ALPK1: variants seen among roughly 807,000 people sequenced by gnomAD.
ALPK1 encodes the protein alpha-protein kinase 1.
A neutral mutation model predicts 120.6 loss-of-function variants in ALPK1; 110 were observed. That is an observed-to-expected ratio of 0.91 (90% confidence interval 0.78 to 1.07). The LOEUF (loss-of-function observed/expected upper bound fraction) is 1.07. Ranked by LOEUF, ALPK1 falls within the 50% of genes least tolerant of loss-of-function variation. The pLI is 0.00. For synonymous variants in ALPK1, 582 were observed against 560.3 expected (o/e 1.04, Z -0.55); for missense variants, 1,498 against 1,483.9 (o/e 1.01, Z -0.16).
chr4:112,342,213 G>A (rs1029345785), intron 2 of ALPK1, among the ~76,000 whole-genome samples: 1 of 152,160 alleles, frequency 6.6e-6, no homozygotes, highest in Non-Finnish European at 1.5e-5. Context: ...TGTACACAAT[G>A]GTTGTGTGGA....
At chr4:112,425,620 G>T (rs1734202679) in intron 6 of ALPK1, 45 bp from the exon 7 acceptor site, 1 of 1,507,382 alleles carries the variant, frequency 6.6e-7, no homozygotes, top group Non-Finnish European at 9.2e-7. Flanking sequence ...AATTTGCAAG[G>T]CTATATCTCT....
chr4:112,301,173 G>A (rs896830741), intron 1 of ALPK1, among the ~76,000 whole-genome samples: 3 of 152,084 alleles, frequency 2.0e-5, no homozygotes, highest in East Asian at 1.9e-4. Context: ...TATCATTACC[G>A]AGAAATTTTC....
intron 2 of ALPK1, chr4:112,358,008 G>C (rs1730722443): frequency 1.6e-6 from 1 of 643,704 alleles, no homozygotes; most frequent in Admixed American, 2.1e-5. Context: ...ACTAGCGAGG[G>C]GCTGGACTTC....
At position 112,417,181 on chromosome 4, in the gene ALPK1, A is replaced by T. The variant is rs561239067; in HGVS notation, c.475+5156A>T. ...GATTGGCTAAAAATAAATTATTCTC[A>T]AGACAGCTCTCTCATTCACACACAC... is the stretch of plus-strand genomic sequence containing the variant. On this transcript the variant is annotated intron_variant, in intron 5 of 15. Transcript: ENST00000650871. Among the ~76,000 whole-genome samples, 266 of 152,324 alleles carry T rather than the reference A, an allele frequency of 1.7e-3. 2 individuals carry two copies. Among genetic ancestry groups the T allele is most frequent in the African/African-American group, 6.2e-3 (257 of 41,576 alleles).
chr4:112,341,938 C>T lies in ALPK1; in HGVS notation c.-101+26086C>T, dbSNP rs767531752. Among the ~76,000 whole-genome samples, 35 of 152,282 alleles carry T rather than the reference C, an allele frequency of 2.3e-4. No individual in the cohort carries two copies. In the South Asian group the frequency reaches 2.7e-3, roughly 12 times the overall value. ...TGAGGCCACAGGTTTCTCCAGCCAG[C>T]GCAGGAGTTCTGTGGAGAAAGAGCA... is the stretch of plus-strand genomic sequence containing the variant. On this transcript the variant is annotated intron_variant, in intron 2 of 15. Coordinates refer to ENST00000650871, the MANE Select transcript of ALPK1 (RefSeq NM_025144.4).
chr4:112,341,347 C>G (rs182473770), intron 2 of ALPK1, among the ~76,000 whole-genome samples: 1 of 152,336 alleles, frequency 6.6e-6, no homozygotes, highest in Non-Finnish European at 1.5e-5. Context: ...GCCTTCCTGA[C>G]AATTTCCCCA....
At chr4:112,309,017 A>G (rs1432916956) in intron 1 of ALPK1, among the ~76,000 whole-genome samples, 3 of 152,208 alleles carry the variant, frequency 2.0e-5, no homozygotes, top group African/African-American at 7.2e-5. Flanking sequence ...GGACCACTCC[A>G]GACCCTGTTT....
At chr4:112,358,279 C>A in intron 2 of ALPK1, 1 of 594,800 alleles carries the variant, frequency 1.7e-6, no homozygotes. Flanking sequence ...GGGTGCGTCC[C>A]TACGTCAGGG....
rs571254578 is a variant in ALPK1, at chr4:112,404,109, A to G, written c.277-7718A>G. Among the ~76,000 whole-genome samples the G allele has an allele frequency of 8.5e-5, 13 of 152,300 alleles. No individual in the cohort carries two copies. In the South Asian group the frequency reaches 2.3e-3, roughly 27 times the overall value. ...CCTTTCTCAGTTTCCAGTAACATCA[A>G]TCCTCGGAGTTGGTGAAGAGAAGAA... On this transcript the variant is annotated intron_variant, in intron 4 of 15. Coordinates refer to ENST00000650871, the MANE Select transcript of ALPK1 (RefSeq NM_025144.4).
chr4:112,362,729 C>G (rs559195803), intron 2 of ALPK1, among the ~76,000 whole-genome samples: 1 of 152,258 alleles, frequency 6.6e-6, no homozygotes, highest in South Asian at 2.1e-4. Flanking sequence ...ACAGGAAGCT[C>G]AAAGAACACC....
In ALPK1 at chr4:112,441,410, C is replaced by T; in HGVS notation, c.*200C>T. 1.6e-6 allele frequency: 1 copy of T among 626,496 alleles called. No homozygotes were observed. 38.8% of individuals were successfully genotyped at this position (626,496 alleles called of 1,614,324 possible). On this transcript the variant is annotated 3_prime_UTR_variant, in exon 16 of 16. Coordinates refer to ENST00000650871, the MANE Select transcript of ALPK1 (RefSeq NM_025144.4). ...CCGCTGCTTCTGGGCATAAGTCCTG[C>T]AAGGAAAGCAACATGGAAAACAGCC...
intron 2 of ALPK1, among the ~76,000 whole-genome samples, chr4:112,373,751 G>C (rs1046891654): frequency 2.6e-5 from 4 of 152,094 alleles, no homozygotes; most frequent in Admixed American, 2.0e-4. Context: ...AAAAAGGTGA[G>C]TTACATGAAT....
intron 2 of ALPK1, among the ~76,000 whole-genome samples, chr4:112,369,030 TC>T (rs889299485): frequency 1.2e-3 from 5 of 4,056 alleles, no homozygotes; most frequent in South Asian, 5.3e-3. Flanking sequence ...AGCCTTTACT[TC>T]TTTTTTTGTT....
At chr4:112,324,976 G>T (rs1474808264) in intron 2 of ALPK1, among the ~76,000 whole-genome samples, 3 of 37,650 alleles carry the variant, frequency 8.0e-5, no homozygotes, top group East Asian at 1.5e-3. Context: ...CAAAAAAAAG[G>T]GGGGGGGGGG....
intron 5 of ALPK1, chr4:112,423,632 G>C: frequency 2.1e-6 from 1 of 479,104 alleles, no homozygotes; most frequent in Non-Finnish European, 4.0e-6. Context: ...ACAGGGAGGC[G>C]GCACAGCCTG....
rs1207836501 is a variant in ALPK1, at chr4:112,382,488, C to T, written c.212C>T (p.Ala71Val). Residue 71 changes from alanine (A) to valine (V), a missense_variant, in exon 4 of 16, where the codon GCC (alanine) becomes GTC (valine). Physicochemically the swap from Ala to Val is moderately conservative, Grantham distance 64. Coordinates refer to ENST00000650871, the MANE Select transcript of ALPK1 (RefSeq NM_025144.4). Reference sequence around the variant, plus strand: ...CCTGAAAAGTGGCAGTACAAACAAGCCGTGGGCCCAGAGGACAAAACAAAC... The same window carrying T: ...CCTGAAAAGTGGCAGTACAAACAAGTCGTGGGCCCAGAGGACAAAACAAAC... Reference protein sequence around the residue: ...FVPEKWQYKQAVGPEDKTNLK... With the variant: ...FVPEKWQYKQVVGPEDKTNLK... 1.2e-6 allele frequency: 2 copies of T among 1,614,062 alleles called. No homozygotes were observed. The highest frequency in any genetic ancestry group is 1.7e-5 in the Admixed American group (1 of 60,018).
chr4:112,406,420 A>G (rs188088965), intron 4 of ALPK1, among the ~76,000 whole-genome samples: 2 of 152,350 alleles, frequency 1.3e-5, no homozygotes, highest in African/African-American at 4.8e-5. Flanking sequence ...TAAAGTGGTC[A>G]ACTTCATAGA....
chr4:112,355,084 A>G (rs1038310811), intron 2 of ALPK1, among the ~76,000 whole-genome samples: 5 of 152,196 alleles, frequency 3.3e-5, no homozygotes, highest in Admixed American at 3.3e-4. Context: ...GGTAAATGTT[A>G]CAGTTTTTTC....
In ALPK1 at chr4:112,439,832, T is replaced by C. The variant is rs1158963859; in HGVS notation, c.3498T>C (p.Tyr1166=). Reference sequence around the variant, plus strand: ...GCTTGGCCTATGGCCATTTTTCTTATGAGTTTTCTAATCATAGAGATGTTG... The same window carrying C: ...GCTTGGCCTATGGCCATTTTTCTTACGAGTTTTCTAATCATAGAGATGTTG... ...EYGLAYGHFS[Y]EFSNHRDVVV... The change falls in exon 14 of 16, where the codon TAT becomes TAC. Residue 1166 remains tyrosine (Y), a synonymous_variant. Transcript: ENST00000650871. 3 of 1,611,350 alleles carry C rather than the reference T, an allele frequency of 1.9e-6. No homozygotes were observed. Among genetic ancestry groups the C allele is most frequent in the South Asian group, 2.2e-5 (2 of 90,278 alleles).
Sources: gnomAD v4.1 joint callset for allele counts (sites outside exome capture counted in the v4.1 genomes callset) on GRCh38, gnomAD v4.1.1 for gene constraint, MANE v1.5 for transcripts, NCBI Gene and HGNC (gene_info 2026-07-23, HGNC 2026-07-21) for gene names.